Variants in ST3GAL3 observed in about 807,000 individuals in gnomAD.
ST3GAL3 encodes the protein ST3 beta-galactoside alpha-2,3-sialyltransferase 3.
Under a neutral mutation model 50.1 loss-of-function variants are expected in ST3GAL3, and 21 were observed. The ratio of observed to expected loss-of-function variants is 0.42; its 90% CI spans 0.30 to 0.60. The LOEUF is 0.60. Among genes scored for constraint, ST3GAL3 ranks in the 20% least tolerant of loss-of-function variants. The pLI, the probability that ST3GAL3 is intolerant of heterozygous loss-of-function variation, is 0.19. For synonymous variants in ST3GAL3, 183 were observed against 190.0 expected (o/e 0.96, Z 0.30); for missense variants, 353 against 489.4 (o/e 0.72, Z 2.63).
At chr1:43,809,400 C>A (rs1487518706) in intron 3 of ST3GAL3, among the ~76,000 whole-genome samples, 1 of 152,136 alleles carries the variant, frequency 6.6e-6, no homozygotes, top group Non-Finnish European at 1.5e-5. Flanking sequence ...TAGAAACTAT[C>A]TAAAATGAAA....
At chr1:43,734,200 GTTTATT>G (rs1432002843) in intron 1 of ST3GAL3, among the ~76,000 whole-genome samples, 1 of 151,066 alleles carries the variant, frequency 6.6e-6, no homozygotes, top group Non-Finnish European at 1.5e-5. Flanking sequence ...TTCTTGCTAA[GTTTATT>G]TTTAGTTATT....
At chr1:43,888,260 AT>A (rs1336525631) in intron 5 of ST3GAL3, among the ~76,000 whole-genome samples, 1 of 152,198 alleles carries the variant, frequency 6.6e-6, no homozygotes, top group Non-Finnish European at 1.5e-5. Flanking sequence ...GAATTTCTCT[AT>A]AACCTGGGGA....
chr1:43,759,082 C>G (rs1389093258), intron 2 of ST3GAL3, among the ~76,000 whole-genome samples: 1 of 151,012 alleles, frequency 6.6e-6, no homozygotes, highest in African/African-American at 2.4e-5. Flanking sequence ...CACACACACA[C>G]ACACACACAC....
chr1:43,818,658 C>T (rs902204133), intron 4 of ST3GAL3, among the ~76,000 whole-genome samples: 2 of 151,958 alleles, frequency 1.3e-5, no homozygotes, highest in African/African-American at 4.8e-5. Context: ...ATTGGAATTA[C>T]CACACATCAT....
intron 2 of ST3GAL3, among the ~76,000 whole-genome samples, chr1:43,771,280 T>A (rs1695043693): frequency 6.6e-6 from 1 of 152,200 alleles, no homozygotes; most frequent in Non-Finnish European, 1.5e-5. Context: ...AAAACATGAA[T>A]TAGAGATTTA....
intron 1 of ST3GAL3, 96 bp from the exon 2 acceptor site, chr1:43,736,137 C>A: frequency 8.2e-7 from 1 of 1,212,236 alleles, no homozygotes; most frequent in Non-Finnish European, 1.2e-6. Flanking sequence ...CTAAGTTATT[C>A]TTCATTTGGA....
intron 2 of ST3GAL3, among the ~76,000 whole-genome samples, chr1:43,765,774 T>C (rs1327401821): frequency 1.3e-4 from 16 of 126,806 alleles, no homozygotes; most frequent in African/African-American, 1.9e-4. Context: ...TGTGTGTGTG[T>C]GTGTGTGTGT....
chr1:43,893,926 G>T (rs903008828), intron 5 of ST3GAL3, among the ~76,000 whole-genome samples: 4 of 152,022 alleles, frequency 2.6e-5, no homozygotes, highest in African/African-American at 9.7e-5. Context: ...CTCACTGTGG[G>T]TGGTCCACTT....
intron 4 of ST3GAL3, among the ~76,000 whole-genome samples, chr1:43,833,444 A>G (rs1283836695): frequency 6.6e-6 from 1 of 152,186 alleles, no homozygotes; most frequent in African/African-American, 2.4e-5. Flanking sequence ...ATCCCAGGCC[A>G]GTTAGTTAGC....
Position 43,712,686 on chromosome 1 carries a change from C to A in ST3GAL3, c.-31+4993C>A, listed in dbSNP as rs1665379347. ...GTTTTCTAGGGAAGTTCACATCTGA[C>A]CTACATCTTGAAAAATCAGTAGTTA... On this transcript the variant is annotated intron_variant, in intron 1 of 11. Coordinates refer to ENST00000347631, the MANE Select transcript of ST3GAL3 (RefSeq NM_006279.5). Among the ~76,000 whole-genome samples, 10 of 152,260 alleles carry A rather than the reference C, an allele frequency of 6.6e-5. No individual in the cohort carries two copies. The South Asian group carries it at 2.1e-3, about 32-fold the overall frequency.
At chr1:43,891,307 C>T (rs1472457824) in intron 5 of ST3GAL3, among the ~76,000 whole-genome samples, 2 of 152,206 alleles carry the variant, frequency 1.3e-5, no homozygotes, top group South Asian at 2.1e-4. Context: ...CAGTGGCTCA[C>T]GCCTGTAATC....
chr1:43,817,420 CTCCTT>C (rs1164006916), intron 4 of ST3GAL3, among the ~76,000 whole-genome samples: 32 of 2,710 alleles, frequency 0.012, 2 homozygotes, highest in South Asian at 0.089. Flanking sequence ...TCTCCTCCTT[CTCCTT>C]CTTCTCCTTC....
chr1:43,920,195 C>G (rs1221018189), intron 9 of ST3GAL3: 1 of 627,464 alleles, frequency 1.6e-6, no homozygotes, highest in Admixed American at 2.4e-5. Context: ...GGAGCCCCAC[C>G]ACACGCTCTC....
intron 5 of ST3GAL3, chr1:43,851,582 G>A (rs2067312772): frequency 7.0e-7 from 1 of 1,432,824 alleles, no homozygotes; most frequent in Non-Finnish European, 9.9e-7. Context: ...AATTCTCCGA[G>A]GTAATCAGCT....
intron 5 of ST3GAL3, chr1:43,850,652 G>T: frequency 1.4e-6 from 1 of 737,926 alleles, no homozygotes; most frequent in Non-Finnish European, 2.5e-6. Flanking sequence ...CTGTGCCTTT[G>T]ATTGAATGGA....
chr1:43,755,218 G>A (rs1015170212), intron 2 of ST3GAL3, among the ~76,000 whole-genome samples: 1 of 152,160 alleles, frequency 6.6e-6, no homozygotes, highest in African/African-American at 2.4e-5. Context: ...AGAACAGACA[G>A]TTTACAGAAT....
intron 11 of ST3GAL3, among the ~76,000 whole-genome samples, chr1:43,924,263 G>A (rs2083527530): frequency 6.6e-6 from 1 of 152,150 alleles, no homozygotes; most frequent in African/African-American, 2.4e-5. Context: ...GGCCCCGAAA[G>A]TCTTCCATCC....
chr1:43,876,165 T>C (rs1210943386), intron 5 of ST3GAL3, among the ~76,000 whole-genome samples: 1 of 152,016 alleles, frequency 6.6e-6, no homozygotes, highest in Non-Finnish European at 1.5e-5. Flanking sequence ...GGTTTCGCCA[T>C]GTTGCTCAGG....
intron 5 of ST3GAL3, chr1:43,850,267 C>A: frequency 2.1e-6 from 1 of 467,250 alleles, no homozygotes; most frequent in Non-Finnish European, 4.2e-6. Flanking sequence ...TCCTCTGTGG[C>A]ACCAGGTGCA....
Sources: gnomAD v4.1 joint callset for allele counts (sites outside exome capture counted in the v4.1 genomes callset) on GRCh38, gnomAD v4.1.1 for gene constraint, MANE v1.5 for transcripts, NCBI Gene and HGNC (gene_info 2026-07-23, HGNC 2026-07-21) for gene names.